PDZD2: variants seen among roughly 807,000 people sequenced by gnomAD.
PDZD2 encodes the protein PDZ domain containing 2.
A neutral mutation model predicts 220.7 loss-of-function variants in PDZD2; 90 were observed. That is an observed-to-expected ratio of 0.41 (90% CI 0.34 to 0.49). PDZD2 has a LOEUF of 0.49. Among genes scored for constraint, PDZD2 ranks in the 20% least tolerant of loss-of-function variants. The pLI is 0.28. For missense variants in PDZD2, 3,174 were observed against 3,608.5 expected (o/e 0.88, Z 3.08); for synonymous variants, 1,375 against 1,450.5 (o/e 0.95, Z 1.18).
intron 2 of PDZD2, among the ~76,000 whole-genome samples, chr5:31,850,232 A>ATACG (rs1266752584): frequency 3.2e-5 from 3 of 94,356 alleles, no homozygotes; most frequent in Admixed American, 1.3e-4. Context: ...ATAAGTATAT[A>ATACG]TATATATATA....
At chr5:31,989,334 G>T (rs748976792) in intron 3 of PDZD2, among the ~76,000 whole-genome samples, 71 of 151,954 alleles carry the variant, frequency 4.7e-4, no homozygotes, top group Admixed American at 9.2e-4. Flanking sequence ...AATGGCCTTT[G>T]GTTCCATCCA....
At chr5:31,927,678 C>G (rs1013169970) in intron 2 of PDZD2, among the ~76,000 whole-genome samples, 6 of 152,182 alleles carry the variant, frequency 3.9e-5, no homozygotes, top group Admixed American at 2.6e-4. Flanking sequence ...ATCCACCGCA[C>G]CTGGCCTCCT....
At chr5:31,907,784 C>T (rs1742789237) in intron 2 of PDZD2, among the ~76,000 whole-genome samples, 1 of 152,094 alleles carries the variant, frequency 6.6e-6, no homozygotes, top group Admixed American at 6.6e-5. Context: ...TAAATGAAGG[C>T]ATAAGAAAAG....
chr5:31,919,486 A>G (rs968054512), intron 2 of PDZD2, among the ~76,000 whole-genome samples: 1 of 151,938 alleles, frequency 6.6e-6, no homozygotes, highest in African/African-American at 2.4e-5. Context: ...AGCTAGGATT[A>G]CAGGCACACG....
intron 1 of PDZD2, among the ~76,000 whole-genome samples, chr5:31,672,208 T>C (rs1190542744): frequency 1.3e-5 from 2 of 152,188 alleles, no homozygotes; most frequent in African/African-American, 2.4e-5. Context: ...CTTGAATGTA[T>C]GTAGGAATCA....
rs376622398 is a variant in PDZD2, at chr5:31,719,329, C to T, written c.-360-79560C>T. Among the ~76,000 whole-genome samples the T allele has an allele frequency of 3.3e-5, 5 of 152,160 alleles. No individual in the cohort carries two copies. The East Asian group carries it at 7.7e-4, about 24-fold the overall frequency. ...ATCTATTAGGTAAAATTCCAGCAAA[C>T]AGAATGGGCACAGAAAAGGGGAAAA... On this transcript the variant is annotated intron_variant, in intron 1 of 24. Coordinates refer to ENST00000438447, the MANE Select transcript of PDZD2 (RefSeq NM_178140.4).
chr5:31,706,584 A>T (rs1048027379), intron 1 of PDZD2, among the ~76,000 whole-genome samples: 2 of 151,952 alleles, frequency 1.3e-5, no homozygotes, highest in Non-Finnish European at 2.9e-5. Context: ...AGTGGCTCAC[A>T]CCTGTTATCC....
intron 4 of PDZD2, among the ~76,000 whole-genome samples, chr5:31,998,723 A>G (rs1179192824): frequency 6.6e-6 from 1 of 152,264 alleles, no homozygotes; most frequent in Non-Finnish European, 1.5e-5. Context: ...CACTAACGAT[A>G]GCTGATGAGC....
intron 1 of PDZD2, among the ~76,000 whole-genome samples, chr5:31,709,079 G>C (rs1321949131): frequency 2.0e-5 from 3 of 151,886 alleles, no homozygotes; most frequent in African/African-American, 7.3e-5. Flanking sequence ...GTAGAGACGG[G>C]GTTTCACCAT....
chr5:31,660,182 T>A (rs968773438), intron 1 of PDZD2, among the ~76,000 whole-genome samples: 3 of 152,138 alleles, frequency 2.0e-5, no homozygotes, highest in Non-Finnish European at 4.4e-5. Context: ...CAATTCAACC[T>A]TTAGGGATAA....
At chr5:31,804,205 A>C (rs968430300) in intron 2 of PDZD2, among the ~76,000 whole-genome samples, 3 of 152,180 alleles carry the variant, frequency 2.0e-5, no homozygotes, top group African/African-American at 7.2e-5. Flanking sequence ...CTAGACGATG[A>C]AAAGCCAGGT....
At chr5:31,916,548 C>T (rs1743698669) in intron 2 of PDZD2, among the ~76,000 whole-genome samples, 1 of 152,274 alleles carries the variant, frequency 6.6e-6, no homozygotes, top group Admixed American at 6.5e-5. Context: ...GTTCTTATGC[C>T]TTCTGGCACC....
intron 2 of PDZD2, among the ~76,000 whole-genome samples, chr5:31,834,311 C>A (rs1756812330): frequency 6.6e-6 from 1 of 152,122 alleles, no homozygotes; most frequent in Non-Finnish European, 1.5e-5. Context: ...ACAGGATATG[C>A]CCATATTCTC....
Position 31,763,217 on chromosome 5 carries a change from G to A in PDZD2, c.-360-35672G>A, listed in dbSNP as rs112876775. 4.5e-3 allele frequency among the ~76,000 whole-genome samples: 688 copies of A among 152,168 alleles called. 5 individuals are homozygous for A. The highest frequency in any genetic ancestry group is 0.016 in the African/African-American group (664 of 41,490). On this transcript the variant is annotated intron_variant, in intron 1 of 24. Transcript: ENST00000438447. ...CAGTGAACCTTGCCAGCATCAGCAG[G>A]CCCCCAGCTCCTGCCCACAGAGCAC...
At chr5:31,953,859 C>T (rs1747408662) in intron 2 of PDZD2, among the ~76,000 whole-genome samples, 1 of 151,926 alleles carries the variant, frequency 6.6e-6, no homozygotes, top group Non-Finnish European at 1.5e-5. Flanking sequence ...CCATGTTGGC[C>T]AGGGTGGTCT....
At chr5:31,813,367 G>A (rs974140788) in intron 2 of PDZD2, among the ~76,000 whole-genome samples, 3 of 147,570 alleles carry the variant, frequency 2.0e-5, no homozygotes, top group Non-Finnish European at 4.4e-5. Context: ...GGAGAATGGC[G>A]TGAACCCGGG....
chr5:31,859,212 CAG>C (rs1737451556), intron 2 of PDZD2, among the ~76,000 whole-genome samples: 1 of 152,178 alleles, frequency 6.6e-6, no homozygotes, highest in African/African-American at 2.4e-5. Context: ...TTCAAATTTT[CAG>C]AGAGACTGAT....
chr5:32,036,224 C>T (rs977089882), intron 6 of PDZD2, among the ~76,000 whole-genome samples: 3 of 152,168 alleles, frequency 2.0e-5, no homozygotes, highest in East Asian at 1.9e-4. Context: ...CCTCTGCCTC[C>T]GGGCATGAGC....
intron 1 of PDZD2, chr5:31,741,894 G>C (rs572970991): frequency 6.6e-6 from 1 of 152,134 alleles, no homozygotes; most frequent in Admixed American, 6.5e-5. Context: ...CTTAACCCAG[G>C]ACCCTGCCTA....
Sources: gnomAD v4.1 joint callset for allele counts (sites outside exome capture counted in the v4.1 genomes callset) on GRCh38, gnomAD v4.1.1 for gene constraint, MANE v1.5 for transcripts, NCBI Gene and HGNC (gene_info 2026-07-23, HGNC 2026-07-21) for gene names.